CLEC2A: variants seen among roughly 807,000 people sequenced by gnomAD.
CLEC2A encodes the protein C-type lectin domain family 2 member A, also known as keratinocyte-associated C-type lectin.
A neutral mutation model predicts 18.6 loss-of-function variants in CLEC2A; 19 were observed. The ratio of observed to expected loss-of-function variants is 1.02; its 90% confidence interval spans 0.71 to 1.50. The LOEUF is 1.50. CLEC2A is among the 40% of genes most tolerant of loss of function. The pLI is 0.00. For synonymous variants in CLEC2A, 74 were observed against 64.0 expected (o/e 1.16, Z -0.75); for missense variants, 190 against 207.9 (o/e 0.91, Z 0.53).
chr12:9,890,776 T>G, the CLEC2A span, among the ~76,000 whole-genome samples: 1 of 152,220 alleles, frequency 6.6e-6, no homozygotes, highest in Non-Finnish European at 1.5e-5. Flanking sequence ...AAGTGATATT[T>G]CGTCATATTC....
downstream of CLEC2A, among the ~76,000 whole-genome samples, chr12:9,896,099 A>C (rs892551765): frequency 2.0e-5 from 3 of 152,242 alleles, no homozygotes; most frequent in African/African-American, 7.2e-5. Flanking sequence ...TAGTTATTTA[A>C]TAGTTTGATT....
downstream of CLEC2A, among the ~76,000 whole-genome samples, chr12:9,912,979 A>C (rs1423954894): frequency 6.6e-6 from 1 of 152,226 alleles, no homozygotes; most frequent in African/African-American, 2.4e-5. Flanking sequence ...CAGGTAATTA[A>C]AACTGCACTA....
At chr12:9,915,457 G>A (rs1863055969) in intron 4 of CLEC2A, among the ~76,000 whole-genome samples, 1 of 151,882 alleles carries the variant, frequency 6.6e-6, no homozygotes, top group Non-Finnish European at 1.5e-5. Flanking sequence ...CAACCCAAAG[G>A]GCTATCAAAG....
intron 4 of CLEC2A, among the ~76,000 whole-genome samples, chr12:9,901,067 A>T (rs1862822985): frequency 6.6e-6 from 1 of 152,214 alleles, no homozygotes; most frequent in Non-Finnish European, 1.5e-5. Flanking sequence ...ATTCAAAATA[A>T]TGTTGACTCT....
downstream of CLEC2A, among the ~76,000 whole-genome samples, chr12:9,912,728 T>C (rs181627564): frequency 9.4e-4 from 142 of 151,214 alleles, no homozygotes; most frequent in African/African-American, 2.8e-3. Context: ...CATTCTAATC[T>C]CAGGTTCCAC....
the CLEC2A span, among the ~76,000 whole-genome samples, chr12:9,886,347 A>C: frequency 2.0e-5 from 3 of 152,208 alleles, no homozygotes; most frequent in African/African-American, 7.2e-5. Context: ...TAGAAGAAGA[A>C]AAGATAACAA....
At chr12:9,927,502 C>T (rs1261674702) in intron 1 of CLEC2A, among the ~76,000 whole-genome samples, 3 of 151,930 alleles carry the variant, frequency 2.0e-5, no homozygotes, top group Middle Eastern at 3.4e-3. Flanking sequence ...CATATATATG[C>T]TTTATATGTA....
the CLEC2A span, among the ~76,000 whole-genome samples, chr12:9,889,563 G>A: frequency 6.6e-6 from 1 of 151,850 alleles, no homozygotes; most frequent in Non-Finnish European, 1.5e-5. Context: ...CATCCTGTTG[G>A]CCTATTCTGT....
downstream of CLEC2A, among the ~76,000 whole-genome samples, chr12:9,894,126 T>TTC (rs141327204): frequency 0.036 from 4,659 of 130,064 alleles, 118 homozygotes; most frequent in South Asian, 0.092. Context: ...TTTCTTTTCT[T>TTC]TCTCTCTCTC....
At chr12:9,885,100 A>C in the CLEC2A span, 1 of 493,874 alleles carries the variant, frequency 2.0e-6, no homozygotes. Flanking sequence ...ATTCCTCTTA[A>C]TGCCAAGATA....
At chr12:9,929,666 T>C (rs1261889605) in intron 1 of CLEC2A, among the ~76,000 whole-genome samples, 2 of 152,140 alleles carry the variant, frequency 1.3e-5, no homozygotes, top group Non-Finnish European at 2.9e-5. Context: ...AAATATTTTC[T>C]TGGAATTTCT....
At chr12:9,898,871 TG>T in exon 5 of CLEC2A, 1 of 709,544 alleles carries the variant, frequency 1.4e-6, no homozygotes, top group Non-Finnish European at 2.6e-6. Context: ...GACATTGTTT[TG>T]GGGAAACGGC....
downstream of CLEC2A, among the ~76,000 whole-genome samples, chr12:9,911,011 A>G (rs141022904): frequency 1.5e-3 from 227 of 152,342 alleles, no homozygotes; most frequent in African/African-American, 5.3e-3. Context: ...TGCTGCCTGC[A>G]TCAGCCATGC....
chr12:9,882,906 A>G, the CLEC2A span, among the ~76,000 whole-genome samples: 2 of 152,358 alleles, frequency 1.3e-5, no homozygotes, highest in Admixed American at 6.5e-5. Context: ...CTACCTGATG[A>G]TGCTTTTATG....
At chr12:9,887,660 A>G in the CLEC2A span, among the ~76,000 whole-genome samples, 7 of 152,186 alleles carry the variant, frequency 4.6e-5, no homozygotes, top group African/African-American at 1.7e-4. Flanking sequence ...TTCTGTCTAT[A>G]TGAAAACAAA....
At chr12:9,923,544 G>C (rs1205081261) in intron 2 of CLEC2A, among the ~76,000 whole-genome samples, 2 of 152,118 alleles carry the variant, frequency 1.3e-5, no homozygotes, top group Non-Finnish European at 2.9e-5. Context: ...TCTAGAACTA[G>C]AAATACCATT....
intron 2 of CLEC2A, among the ~76,000 whole-genome samples, chr12:9,924,290 T>A (rs757812870): frequency 1.3e-5 from 2 of 152,250 alleles, no homozygotes; most frequent in East Asian, 3.9e-4. Flanking sequence ...TTTTAATCAA[T>A]GAATAAATGA....
At position 9,917,801 on chromosome 12, in the gene CLEC2A, C is replaced by T. The variant is rs566355584; in HGVS notation, c.307-998G>A. Among the ~76,000 whole-genome samples the T allele has an allele frequency of 1.2e-3, 183 of 152,248 alleles. 1 individual carries two copies. Among genetic ancestry groups the T allele is most frequent in the African/African-American group, 4.2e-3 (175 of 41,528 alleles). On this transcript the variant is annotated intron_variant, in intron 3 of 4. Transcript: ENST00000455827. ...GACTTTTTAATAATATCCATTCTGA[C>T]TGGTGTGAGATGATATCTCGTTGTG...
Position 9,918,204 on chromosome 12 carries a change from T to A in CLEC2A, c.307-1401A>T, listed in dbSNP as rs143306542. Among the ~76,000 whole-genome samples the A allele has an allele frequency of 7.9e-5, 12 of 152,202 alleles. No individual in the cohort carries two copies. The East Asian group carries it at 2.3e-3, about 29-fold the overall frequency. ...AATGTCCAGGATGGTATTGCCTAGG[T>A]TTTCTTCCAGTCTTTTTATAGTTTG... On this transcript the variant is annotated intron_variant, in intron 3 of 4. Coordinates refer to ENST00000455827, the MANE Select transcript of CLEC2A (RefSeq NM_001130711.2).
Sources: allele counts gnomAD v4.1 joint callset (sites outside exome capture counted in the v4.1 genomes callset), GRCh38; gene constraint gnomAD v4.1.1; transcripts MANE v1.5; gene names NCBI Gene and HGNC (gene_info 2026-07-23, HGNC 2026-07-21).